LAMC2: variants seen among roughly 807,000 people sequenced by gnomAD.
LAMC2 encodes laminin subunit gamma-2.
Under a neutral mutation model 140.2 loss-of-function variants are expected in LAMC2, and 97 were observed. The ratio of observed to expected loss-of-function variants is 0.69; its 90% CI spans 0.59 to 0.82. The LOEUF is 0.82. Among genes scored for constraint, LAMC2 ranks in the 40% least tolerant of loss-of-function variants. The pLI is 0.00. For synonymous variants in LAMC2, 513 were observed against 540.2 expected (o/e 0.95, Z 0.70); for missense variants, 1,402 against 1,476.1 (o/e 0.95, Z 0.82).
chr1:183,213,571 G>T (rs1659140267), intron 2 of LAMC2, among the ~76,000 whole-genome samples: 2 of 152,228 alleles, frequency 1.3e-5, no homozygotes, highest in Admixed American at 1.3e-4. Context: ...GGAGGCTGAG[G>T]CTGGTGGATC....
intron 6 of LAMC2, among the ~76,000 whole-genome samples, chr1:183,222,475 G>A (rs973617224): frequency 8.6e-5 from 13 of 152,000 alleles, no homozygotes; most frequent in African/African-American, 2.7e-4. Context: ...AAGTTTCTAC[G>A]TTTACCACCA....
chr1:183,239,744 T>C, intron 20 of LAMC2, 181 bp downstream of exon 20: 1 of 658,556 alleles, frequency 1.5e-6, no homozygotes, highest in Non-Finnish European at 2.6e-6. Context: ...GATGTGTTTT[T>C]TTGTCCTCCG....
intron 2 of LAMC2, 30 bp from the exon 3 acceptor site, chr1:183,215,423 C>A: frequency 3.1e-6 from 5 of 1,613,454 alleles, no homozygotes; most frequent in Non-Finnish European, 4.2e-6. Context: ...TCTTCTTCTT[C>A]TTTCCTTTCC....
chr1:183,214,626 C>T (rs185655336), intron 2 of LAMC2, among the ~76,000 whole-genome samples: 1 of 152,150 alleles, frequency 6.6e-6, no homozygotes, highest in African/African-American at 2.4e-5. Context: ...GAGGACCTAA[C>T]TATCGAATTA....
In LAMC2 at chr1:183,228,902, C is replaced by A. The variant is rs910209811; in HGVS notation, c.1714+283C>A. ...ACGCGGAAAAGGATGTAACACGGGG[C>A]CACATCCTATGCCCAATCCCAAGGC... On this transcript the variant is annotated intron_variant, in intron 11 of 22. Transcript: ENST00000264144. The surrounding 1 kb of genome is among the most constrained non-coding windows in gnomAD (Gnocchi z 4.3). Among the ~76,000 whole-genome samples the A allele has an allele frequency of 1.3e-5, 2 of 152,150 alleles. No individual in the cohort carries two copies. The highest frequency in any genetic ancestry group is 1.3e-4 in the Admixed American group (2 of 15,280).
chr1:183,199,098 T>A (rs945596052), intron 1 of LAMC2, among the ~76,000 whole-genome samples: 1 of 96,674 alleles, frequency 1.0e-5, no homozygotes, highest in Admixed American at 1.1e-4. Context: ...TTGGCTTTTC[T>A]TTTTTTTTTT....
intron 9 of LAMC2, 104 bp from the exon 10 acceptor site, chr1:183,227,411 C>A: frequency 8.6e-7 from 1 of 1,165,290 alleles, no homozygotes; most frequent in Admixed American, 1.7e-5. Flanking sequence ...GGGAAGGCTT[C>A]AGAAAGGAAG....
intron 1 of LAMC2, 31 bp downstream of exon 1, chr1:183,186,462 G>A: frequency 1.3e-6 from 2 of 1,598,428 alleles, no homozygotes; most frequent in Non-Finnish European, 1.7e-6. Context: ...AAACATCTCA[G>A]CCCTGGGCTG....
chr1:183,244,531 G>A lies in LAMC2; in HGVS notation c.*1131G>A, dbSNP rs920247678. 1 of 152,632 alleles carries A rather than the reference G, an allele frequency of 6.6e-6. No homozygotes were observed. The highest frequency in any genetic ancestry group is 1.9e-4 in the East Asian group (1 of 5,202). 9.5% of individuals were successfully genotyped at this position (152,632 alleles called of 1,614,324 possible). ...GTTGATTGTCTAGTGAGGAAGACAA[G>A]CATTTTTAAAAAATAAATTTAAACT... On this transcript the variant is annotated 3_prime_UTR_variant, in exon 23 of 23. Coordinates refer to ENST00000264144, the MANE Select transcript of LAMC2 (RefSeq NM_005562.3).
chr1:183,237,633 C>G lies in LAMC2; in HGVS notation c.2754+129C>G. ...GTGACTTATCCCTGTAATCCCCGCA[C>G]TTTTGGAGGCCAAGCCAGGAGGATC... On this transcript the variant is annotated intron_variant, in intron 18 of 22. Coordinates refer to ENST00000264144, the MANE Select transcript of LAMC2 (RefSeq NM_005562.3). 3.2e-6 allele frequency: 3 copies of G among 934,482 alleles called. No homozygotes were observed. The Admixed American group carries it at 6.2e-5, about 19-fold the overall frequency. 57.9% of individuals were successfully genotyped at this position (934,482 alleles called of 1,614,324 possible).
At chr1:183,231,237 TA>T in intron 12 of LAMC2, 134 bp downstream of exon 12, 1 of 1,056,392 alleles carries the variant, frequency 9.5e-7, no homozygotes, top group Non-Finnish European at 1.4e-6. Flanking sequence ...TTTCTGTCTT[TA>T]AAAATTGCTG....
At chr1:183,219,378 A>G (rs749240296) in intron 4 of LAMC2, among the ~76,000 whole-genome samples, 2 of 85,404 alleles carry the variant, frequency 2.3e-5, no homozygotes, top group Non-Finnish European at 4.3e-5. Context: ...TCAAAATAAA[A>G]GACAGAAATA....
chr1:183,209,610 G>A (rs1558085268), intron 2 of LAMC2, among the ~76,000 whole-genome samples: 1 of 152,204 alleles, frequency 6.6e-6, no homozygotes, highest in African/African-American at 2.4e-5. Flanking sequence ...ATTTTAATGG[G>A]CATTTAACCT....
rs757527613 is a variant in LAMC2 at position 183,226,775 on chromosome 1, T to C, written c.1144T>C (p.Cys382Arg). 2.5e-6 allele frequency: 4 copies of C among 1,614,172 alleles called. No individual in the cohort carries two copies. The Admixed American group carries it at 6.7e-5, about 27-fold the overall frequency. Residue 382 changes from cysteine to arginine, a missense_variant, in exon 9 of 23, where the codon TGT (cysteine) becomes CGT (arginine). Physicochemically the swap from Cys to Arg is radical, Grantham distance 180 (BLOSUM62 -3). Transcript: ENST00000264144. The part of the protein sequence containing the change: ...SGAPAPWVEQ[C>R]ICPVGYKGQF... ...AGCCCCAGCACCCTGGGTTGAACAG[T>C]GTATATGTCCTGTTGGGTACAAGGG...
intron 7 of LAMC2, among the ~76,000 whole-genome samples, chr1:183,224,530 A>C (rs945950864): frequency 2.0e-5 from 3 of 152,194 alleles, no homozygotes; most frequent in African/African-American, 7.2e-5. Flanking sequence ...CCTTAACTGG[A>C]CCATCAGAAC....
chr1:183,253,848 C>G, the LAMC2 span, among the ~76,000 whole-genome samples: 1 of 151,802 alleles, frequency 6.6e-6, no homozygotes, highest in African/African-American at 2.4e-5. Flanking sequence ...CCAGGTCTAG[C>G]CAAGTTGTGG....
At chr1:183,187,084 C>T (rs1041440479) in intron 1 of LAMC2, among the ~76,000 whole-genome samples, 1 of 152,178 alleles carries the variant, frequency 6.6e-6, no homozygotes, top group Admixed American at 6.5e-5. Flanking sequence ...AACCTAGCAA[C>T]TCTTAACTGT....
intron 1 of LAMC2, among the ~76,000 whole-genome samples, chr1:183,190,692 T>A (rs984875190): frequency 6.6e-6 from 1 of 152,194 alleles, no homozygotes; most frequent in African/African-American, 2.4e-5. Flanking sequence ...AAATGTCTCT[T>A]TATGTTTAAT....
At chr1:183,198,583 C>T (rs950979574) in intron 1 of LAMC2, among the ~76,000 whole-genome samples, 1 of 152,218 alleles carries the variant, frequency 6.6e-6, no homozygotes, top group Non-Finnish European at 1.5e-5. Context: ...CAAAGCACTA[C>T]GTAATAGCAA....
Sources: gnomAD v4.1 joint callset for allele counts (sites outside exome capture counted in the v4.1 genomes callset) on GRCh38, gnomAD v4.1.1 for gene constraint, Gnocchi (gnomAD v3.1) non-coding constraint, MANE v1.5 for transcripts, NCBI Gene and HGNC (gene_info 2026-07-23, HGNC 2026-07-21) for gene names.